The following SS18L1 variants were observed in gnomAD, a reference collection of about 807,000 sequenced individuals.
SS18L1 encodes SS18L1 subunit of BAF chromatin remodeling complex, also known as calcium-responsive transactivator.
A neutral mutation model predicts 70.3 loss-of-function variants in SS18L1; 32 were observed. The observed-to-expected ratio is 0.46, with a 90% CI of 0.34 to 0.61. The LOEUF is 0.61. Ranked by LOEUF, SS18L1 falls within the 20% of genes least tolerant of loss-of-function variation. The pLI is 0.01. For missense variants in SS18L1, 430 were observed against 542.1 expected (o/e 0.79, Z 2.05); for synonymous variants, 237 against 229.7 (o/e 1.03, Z -0.29).
chr20:62,169,010 G>A lies in SS18L1; in HGVS notation c.916+3496G>A, dbSNP rs533575025. 5.9e-5 allele frequency among the ~76,000 whole-genome samples: 9 copies of A among 152,198 alleles called. No homozygotes were observed. The East Asian group carries it at 7.7e-4, about 13-fold the overall frequency. On this transcript the variant is annotated intron_variant, in intron 8 of 10. Coordinates refer to ENST00000331758, the MANE Select transcript of SS18L1 (RefSeq NM_198935.3). ...GCTGACCAAGCCAGGAGGGGACAGC[G>A]GGGGCCACGGGGTCACTTGTGCTGG...
In SS18L1 at chr20:62,158,569, G is replaced by A. The variant is rs2057264744; in HGVS notation, c.70-103G>A. ...GAAATCTGACACGTTTCACGTAAGGGACGCTCAACCTATATGAAAACTAGA... is the reference window on the plus strand; with the variant it reads ...GAAATCTGACACGTTTCACGTAAGGAACGCTCAACCTATATGAAAACTAGA... On this transcript the variant is annotated intron_variant, in intron 1 of 10. Transcript: ENST00000331758. The surrounding 1 kb of genome is among the most constrained non-coding windows in gnomAD (Gnocchi z 4.5). 6.7e-7 allele frequency: 1 copy of A among 1,501,938 alleles called. No homozygotes were observed. The highest frequency in any genetic ancestry group is 8.9e-7 in the Non-Finnish European group (1 of 1,117,326). 93.0% of individuals were successfully genotyped at this position (1,501,938 alleles called of 1,614,324 possible).
chr20:62,164,358 C>G, intron 7 of SS18L1, 112 bp downstream of exon 7: 1 of 1,112,392 alleles, frequency 9.0e-7, no homozygotes, highest in East Asian at 2.6e-5. Context: ...CTCAGTCATT[C>G]CAGCTCAGGC....
At position 62,161,307 on chromosome 20, in the gene SS18L1, C is replaced by T. The variant is rs530653144; in HGVS notation, c.232-129C>T. The T allele has an allele frequency of 3.4e-5, 45 of 1,332,520 alleles. No individual in the cohort carries two copies. The highest frequency in any genetic ancestry group is 4.7e-5 in the Non-Finnish European group (44 of 941,622). 82.5% of individuals were successfully genotyped at this position (1,332,520 alleles called of 1,614,324 possible). Reference sequence around the variant, plus strand: ...TGGCTGTGACGATGGCTGCTGATTACGAACATTGACCAGGTGGCCATGATG... The same window carrying T: ...TGGCTGTGACGATGGCTGCTGATTATGAACATTGACCAGGTGGCCATGATG... On this transcript the variant is annotated intron_variant, in intron 3 of 10. Coordinates refer to ENST00000331758, the MANE Select transcript of SS18L1 (RefSeq NM_198935.3). The surrounding 1 kb of genome is among the most constrained non-coding windows in gnomAD (Gnocchi z 4.4).
chr20:62,159,825 G>T lies in SS18L1; in HGVS notation c.147-52G>T. The T allele has an allele frequency of 6.4e-7, 1 of 1,559,900 alleles. No homozygotes were observed. Among genetic ancestry groups the T allele is most frequent in the South Asian group, 1.1e-5 (1 of 88,004 alleles). ...CTTTACTTCTGCCTTGGATCCACGT[G>T]GGGACTCTGTGGTCCCGTCGTCCTG... is the stretch of plus-strand genomic sequence containing the variant. On this transcript the variant is annotated intron_variant, in intron 2 of 10. Coordinates refer to ENST00000331758, the MANE Select transcript of SS18L1 (RefSeq NM_198935.3). This position sits in a 1 kb window ranked among gnomAD's most constrained non-coding sequence, Gnocchi z 4.4.
intron 5 of SS18L1, among the ~76,000 whole-genome samples, 154 bp from the exon 6 acceptor site, chr20:62,163,304 G>A (rs1250340860): frequency 2.0e-5 from 3 of 151,798 alleles, no homozygotes; most frequent in South Asian, 4.2e-4. Context: ...TGCAGGCCAC[G>A]TAGGGGAGGC....
intron 10 of SS18L1, among the ~76,000 whole-genome samples, chr20:62,175,863 G>A (rs759235554): frequency 6.6e-5 from 10 of 152,344 alleles, no homozygotes; most frequent in Middle Eastern, 3.4e-3. Flanking sequence ...CCTGGGAAGG[G>A]CACGCTGATG....
intron 8 of SS18L1, among the ~76,000 whole-genome samples, chr20:62,171,061 C>T (rs1408108819): frequency 6.8e-6 from 1 of 147,344 alleles, no homozygotes; most frequent in Non-Finnish European, 1.5e-5. Context: ...GCCACCATGC[C>T]GGGCTAAATT....
intron 8 of SS18L1, among the ~76,000 whole-genome samples, chr20:62,168,334 G>A (rs1182962370): frequency 6.6e-6 from 1 of 152,170 alleles, no homozygotes; most frequent in African/African-American, 2.4e-5. Flanking sequence ...ACAGCAGGTG[G>A]TACTGTGAAG....
At chr20:62,148,585 C>T (rs1208252028) in intron 1 of SS18L1, among the ~76,000 whole-genome samples, 1 of 151,900 alleles carries the variant, frequency 6.6e-6, no homozygotes, top group Non-Finnish European at 1.5e-5. Context: ...GGCTCAGCCT[C>T]CTTGCTGTCT....
At position 62,150,079 on chromosome 20, in the gene SS18L1, A is replaced by G. The variant is rs6121918; in HGVS notation, c.69+6190A>G. 3.9e-3 allele frequency among the ~76,000 whole-genome samples: 597 copies of G among 152,334 alleles called. 4 individuals carry two copies. The highest frequency in any genetic ancestry group is 0.013 in the African/African-American group (551 of 41,572). ...TTCACATGTTCTTAGAGTCTTTGAA[A>G]TTGCACACACACGTCAAGCATACAG... On this transcript the variant is annotated intron_variant, in intron 1 of 10. Transcript: ENST00000331758.
rs1314512227 is a variant in SS18L1, at chr20:62,179,423, G to A, written c.*215G>A. On this transcript the variant is annotated 3_prime_UTR_variant, in exon 11 of 11. Coordinates refer to ENST00000331758, the MANE Select transcript of SS18L1 (RefSeq NM_198935.3). ...GGTGGTGTGATACTTTTGGTGCTGTGTATAGTATTGTATGTCGGTACACGG... is the reference window on the plus strand; with the variant it reads ...GGTGGTGTGATACTTTTGGTGCTGTATATAGTATTGTATGTCGGTACACGG... The A allele has an allele frequency of 1.0e-5, 6 of 595,312 alleles. No homozygotes were observed. Among genetic ancestry groups the A allele is most frequent in the East Asian group, 5.6e-5 (2 of 35,720 alleles). 36.9% of individuals were successfully genotyped at this position (595,312 alleles called of 1,614,324 possible).
At chr20:62,155,248 A>G (rs1334415469) in intron 1 of SS18L1, among the ~76,000 whole-genome samples, 1 of 152,074 alleles carries the variant, frequency 6.6e-6, no homozygotes, top group African/African-American at 2.4e-5. Context: ...CAACAACAAC[A>G]ACAAAAAAAA....
rs777303505 is a variant in SS18L1 at position 62,158,842 on chromosome 20, G to A, written c.146+94G>A. 1.9e-6 allele frequency: 3 copies of A among 1,611,138 alleles called. No homozygotes were observed. The highest frequency in any genetic ancestry group is 1.7e-5 in the Admixed American group (1 of 59,964). On this transcript the variant is annotated intron_variant, in intron 2 of 10. Coordinates refer to ENST00000331758, the MANE Select transcript of SS18L1 (RefSeq NM_198935.3). The surrounding 1 kb of genome is among the most constrained non-coding windows in gnomAD (Gnocchi z 4.5). ...CGTCCCAAGAGTCCCCCAGCACAGA[G>A]ATCAGATAAGTCCCAGGAGTCCCCA...
At position 62,182,142 on chromosome 20, in the gene SS18L1, G is replaced by A. The variant is rs528214114; in HGVS notation, c.*2934G>A. ...TCCTAAGATCTGTGAATGGGATTAA[G>A]GTGGACAAGATCTCCTAAGATCTGA... On this transcript the variant is annotated 3_prime_UTR_variant, in exon 11 of 11. Coordinates refer to ENST00000331758, the MANE Select transcript of SS18L1 (RefSeq NM_198935.3). 2.6e-4 allele frequency: 59 copies of A among 226,808 alleles called. No individual in the cohort carries two copies. The highest frequency in any genetic ancestry group is 4.6e-4 in the Non-Finnish European group (53 of 114,012). 14.0% of individuals were successfully genotyped at this position (226,808 alleles called of 1,614,324 possible).
At chr20:62,150,053 C>T (rs2057099304) in intron 1 of SS18L1, among the ~76,000 whole-genome samples, 3 of 152,234 alleles carry the variant, frequency 2.0e-5, no homozygotes, top group Admixed American at 6.5e-5. Flanking sequence ...TTCAGCGTGT[C>T]TTCACATGTT....
At chr20:62,171,836 TAGAG>T (rs907581375) in intron 8 of SS18L1, among the ~76,000 whole-genome samples, 98 of 150,756 alleles carry the variant, frequency 6.5e-4, no homozygotes, top group African/African-American at 8.5e-4. Context: ...CTGGGCAACA[TAGAG>T]AGACCCTGTC....
intron 1 of SS18L1, among the ~76,000 whole-genome samples, chr20:62,151,829 T>C (rs113245328): frequency 8.6e-6 from 1 of 116,568 alleles, no homozygotes; most frequent in African/African-American, 3.2e-5. Context: ...CCGCTCCCCA[T>C]AGCTGGCCTC....
intron 1 of SS18L1, among the ~76,000 whole-genome samples, chr20:62,144,498 C>T (rs74752824): frequency 0.011 from 1,633 of 152,348 alleles, 29 homozygotes; most frequent in African/African-American, 0.036. Flanking sequence ...ATTTGCGGGG[C>T]ATCGTTACGC....
intron 1 of SS18L1, among the ~76,000 whole-genome samples, chr20:62,151,089 C>T (rs1329413074): frequency 6.6e-6 from 1 of 152,180 alleles, no homozygotes; most frequent in East Asian, 1.9e-4. Context: ...TGTCTGGCTT[C>T]CAGGGCCCCA....
Sources: allele counts gnomAD v4.1 joint callset (sites outside exome capture counted in the v4.1 genomes callset), GRCh38; gene constraint gnomAD v4.1.1; non-coding constraint Gnocchi (gnomAD v3.1); transcripts MANE v1.5; gene names NCBI Gene and HGNC (gene_info 2026-07-23, HGNC 2026-07-21).